NCAN: variants seen among roughly 807,000 people sequenced by gnomAD.
NCAN encodes the protein neurocan core protein.
NCAN carries 47 observed loss-of-function variants against 121.8 expected under a neutral mutation model. The ratio of observed to expected loss-of-function variants is 0.39; its 90% CI spans 0.31 to 0.49. NCAN has a LOEUF of 0.49. Among genes scored for constraint, NCAN ranks in the 20% least tolerant of loss-of-function variants. The probability of loss-of-function intolerance (pLI) is 0.92; values close to 1 mark genes in which losing one functional copy is unlikely to be tolerated. For missense variants in NCAN, 1,517 were observed against 1,773.4 expected (o/e 0.86, Z 2.60); for synonymous variants, 633 against 702.0 (o/e 0.90, Z 1.55).
At position 19,225,080 on chromosome 19, in the gene NCAN, C is replaced by T. The variant is rs776458204; in HGVS notation, c.882C>T (p.His294=). The part of the protein sequence containing the change: ...GAALASVGQL[H]LAWHEGLDQC... Reference sequence around the variant, plus strand: ...CGCTGGCCTCGGTGGGACAGCTGCACCTGGCCTGGCATGAGGGCCTGGACC... The same window carrying T: ...CGCTGGCCTCGGTGGGACAGCTGCATCTGGCCTGGCATGAGGGCCTGGACC... Residue 294 remains histidine, a synonymous_variant, in exon 6 of 15, where the codon CAC becomes CAT. Coordinates refer to ENST00000252575, the MANE Select transcript of NCAN (RefSeq NM_004386.3). This position sits in a 1 kb window ranked among gnomAD's most constrained non-coding sequence, Gnocchi z 4.0. 8.5e-6 allele frequency: 13 copies of T among 1,529,196 alleles called. No individual in the cohort carries two copies. The South Asian group carries it at 1.4e-4, about 17-fold the overall frequency. The allele number at this position is 1,529,196 out of a possible 1,614,324, so 94.7% of individuals were successfully genotyped here.
chr19:19,236,668 G>C (rs896663693), intron 10 of NCAN, among the ~76,000 whole-genome samples: 1 of 150,598 alleles, frequency 6.6e-6, no homozygotes, highest in Admixed American at 6.6e-5. Flanking sequence ...GGGTTCATGT[G>C]ATCCTCCTGC....
chr19:19,235,788 C>G (rs892280886), intron 10 of NCAN, among the ~76,000 whole-genome samples: 1 of 152,114 alleles, frequency 6.6e-6, no homozygotes, highest in Non-Finnish European at 1.5e-5. Context: ...GGCACCCAGG[C>G]TGGATGGAGT....
intron 1 of NCAN, among the ~76,000 whole-genome samples, chr19:19,213,771 G>A (rs767221599): frequency 8.5e-5 from 13 of 152,096 alleles, no homozygotes; most frequent in Admixed American, 2.6e-4. Context: ...GAGTTGGGGC[G>A]CTAACAGGGA....
Position 19,228,476 on chromosome 19 carries a change from G to A in NCAN, c.2856G>A (p.Pro952=), listed in dbSNP as rs10406347. The part of the protein sequence containing the change: ...ASVSSGEPTV[P]WDPSSTLLPV... ...TTTCCTCAGGGGAGCCTACGGTACC[G>A]TGGGACCCCTCCAGCACCCTGCTGC... Residue 952 remains proline, a synonymous_variant, in exon 8 of 15, where the codon CCG becomes CCA. Transcript: ENST00000252575. 12,388 of 1,613,514 alleles carry A rather than the reference G, an allele frequency of 7.7e-3. 361 individuals are homozygous for A. In the African/African-American group the frequency reaches 0.078, roughly 10 times the overall value.
Position 19,235,948 on chromosome 19 carries a change from T to C in NCAN, c.3250+852T>C, listed in dbSNP as rs898202471. Among the ~76,000 whole-genome samples the C allele has an allele frequency of 5.3e-5, 8 of 152,298 alleles. No individual in the cohort carries two copies. In the South Asian group the frequency reaches 1.7e-3, roughly 32 times the overall value. On this transcript the variant is annotated intron_variant, in intron 10 of 14. Transcript: ENST00000252575. ...TTTTTGTAGAGACAAGGTTTCACCA[T>C]GTTGCCCAGACTGGTCTTGAACTCC...
intron 3 of NCAN, among the ~76,000 whole-genome samples, chr19:19,221,482 C>T (rs770114721): frequency 7.3e-5 from 11 of 151,354 alleles, no homozygotes; most frequent in Non-Finnish European, 1.0e-4. Context: ...GCAGGAGAAT[C>T]GCTTGAACCC....
chr19:19,223,914 C>T (rs914083971), intron 3 of NCAN, 107 bp from the exon 4 acceptor site: 1 of 1,184,638 alleles, frequency 8.4e-7, no homozygotes, highest in African/African-American at 1.5e-5. Flanking sequence ...GGCGCTAGGT[C>T]TATTATTATC....
At chr19:19,231,606 G>T (rs911048600) in intron 8 of NCAN, among the ~76,000 whole-genome samples, 1 of 152,072 alleles carries the variant, frequency 6.6e-6, no homozygotes, top group Non-Finnish European at 1.5e-5. Context: ...GGGATTACAG[G>T]CGTGAGCCAC....
rs776693147 is a variant in NCAN, at chr19:19,224,349, A to T, written c.694A>T (p.Ser232Cys). ...QSRPGCYGDR[S>C]SLPGVRSYGR... ...CCGTCCTGGTTGCTATGGCGACCGT[A>T]GCAGCCTTCCAGGGGTTCGGAGCTA... Residue 232 changes from serine (S) to cysteine (C), a missense_variant, in exon 5 of 15, where the codon AGC (serine) becomes TGC (cysteine). Physicochemically the swap from Ser to Cys is moderately radical, Grantham distance 112. Transcript: ENST00000252575. 8 of 1,614,072 alleles carry T rather than the reference A, an allele frequency of 5.0e-6. No individual in the cohort carries two copies. Among genetic ancestry groups the T allele is most frequent in the Non-Finnish European group, 6.8e-6 (8 of 1,179,974 alleles).
At position 19,219,335 on chromosome 19, in the gene NCAN, AG is replaced by A. The variant is rs1568594325; in HGVS notation, c.475+23del. On this transcript the variant is annotated intron_variant, in intron 3 of 14. Transcript: ENST00000252575. ...GTGACAGGTCAGTTGGGGGCAAAGG[AG>A]GGGCCGGGGGCCGGGGAGAGGGAGG... 1 of 1,481,358 alleles carries A rather than the reference AG, an allele frequency of 6.8e-7. No homozygotes were observed. The highest frequency in any genetic ancestry group is 2.1e-5 in the Admixed American group (1 of 46,722). 91.8% of individuals were successfully genotyped at this position (1,481,358 alleles called of 1,614,324 possible).
chr19:19,219,672 C>CAAAAAAAAAA (rs56231208), intron 3 of NCAN, among the ~76,000 whole-genome samples: 1 of 49,244 alleles, frequency 2.0e-5, no homozygotes, highest in African/African-American at 9.2e-5. Flanking sequence ...GACCCTGTCA[C>CAAAAAAAAAA]AAAAAAAAAA....
At chr19:19,242,233 G>A (rs770473305) in intron 12 of NCAN, among the ~76,000 whole-genome samples, 13 of 151,730 alleles carry the variant, frequency 8.6e-5, no homozygotes, top group Non-Finnish European at 1.8e-4. Context: ...TACTAAGAAA[G>A]AAAAAGAGGC....
intron 12 of NCAN, among the ~76,000 whole-genome samples, chr19:19,243,189 A>G (rs1277575893): frequency 6.6e-6 from 1 of 151,850 alleles, no homozygotes; most frequent in Non-Finnish European, 1.5e-5. Context: ...CTAGTGCTCA[A>G]TGAGTACAGA....
Position 19,227,488 on chromosome 19 carries a change from C to G in NCAN, c.1868C>G (p.Pro623Arg), listed in dbSNP as rs775056326. The change falls in exon 8 of 15, where the codon CCT (proline) becomes CGT (arginine). Residue 623 changes from proline to arginine, a missense_variant. Transcript: ENST00000252575. The surrounding 1 kb of genome is among the most constrained non-coding windows in gnomAD (Gnocchi z 4.2). ...AGCCCTGCCCCCTGGGAGGCATTCC[C>G]TGTGGCCACCTCCCCAGATCTCCCT... ...APSPAPWEAF[P>R]VATSPDLPMM... 1.9e-6 allele frequency: 3 copies of G among 1,613,550 alleles called. No homozygotes were observed. Among genetic ancestry groups the G allele is most frequent in the South Asian group, 2.2e-5 (2 of 91,078 alleles).
rs368890881 is a variant in NCAN, at chr19:19,228,138, G to A, written c.2518G>A (p.Ala840Thr). Residue 840 changes from alanine to threonine, a missense_variant, in exon 8 of 15, where the codon GCT becomes ACT. Physicochemically the swap from Ala to Thr is moderately conservative, Grantham distance 58. Coordinates refer to ENST00000252575, the MANE Select transcript of NCAN (RefSeq NM_004386.3). ...DSTVTPAPSDASGIWEPGSQV... is the reference protein window; with the variant it reads ...DSTVTPAPSDTSGIWEPGSQV... The stretch of plus-strand genomic sequence containing the variant: ...CACAGTCACGCCGGCCCCCAGTGAT[G>A]CTAGTGGAATTTGGGAACCTGGATC... 1.1e-5 allele frequency: 17 copies of A among 1,613,664 alleles called. No individual in the cohort carries two copies. In the East Asian group the frequency reaches 2.2e-4, roughly 21 times the overall value.
intron 11 of NCAN, among the ~76,000 whole-genome samples, chr19:19,239,408 T>G (rs1170499289): frequency 2.0e-5 from 1 of 50,322 alleles, no homozygotes; most frequent in Non-Finnish European, 3.9e-5. Flanking sequence ...CTCCTCCCCC[T>G]CCTCCTTCTA....
intron 12 of NCAN, among the ~76,000 whole-genome samples, chr19:19,244,025 A>G (rs916599780): frequency 6.6e-6 from 1 of 151,920 alleles, no homozygotes; most frequent in Non-Finnish European, 1.5e-5. Context: ...CTCAAACAAA[A>G]CAAAACAAAA....
chr19:19,240,554 C>G, intron 11 of NCAN, 49 bp from the exon 12 acceptor site: 1 of 1,591,626 alleles, frequency 6.3e-7, no homozygotes, highest in Non-Finnish European at 8.6e-7. Context: ...TGCCCTGGGC[C>G]AGGAGAGGCA....
intron 8 of NCAN, among the ~76,000 whole-genome samples, chr19:19,230,650 A>G (rs1255475321): frequency 6.8e-6 from 1 of 146,276 alleles, no homozygotes; most frequent in Non-Finnish European, 1.5e-5. Flanking sequence ...TGTCATGATG[A>G]TGGAAATAGC....
Sources: allele counts gnomAD v4.1 joint callset (sites outside exome capture counted in the v4.1 genomes callset), GRCh38; gene constraint gnomAD v4.1.1; non-coding constraint Gnocchi (gnomAD v3.1); transcripts MANE v1.5; gene names NCBI Gene and HGNC (gene_info 2026-07-23, HGNC 2026-07-21).